GALNT17: variants seen among roughly 807,000 people sequenced by gnomAD.
GALNT17 encodes the protein UDP-GalNAc:polypeptide N-acetylgalactosaminyltransferase-like 3.
Under a neutral mutation model 63.7 loss-of-function variants are expected in GALNT17, and 29 were observed. The observed-to-expected ratio is 0.46, with a 90% confidence interval of 0.34 to 0.62. GALNT17 has a LOEUF of 0.62. Ranked by LOEUF, GALNT17 falls within the 20% of genes least tolerant of loss-of-function variation. GALNT17 has a pLI of 0.01. For missense variants in GALNT17, 603 were observed against 799.6 expected (o/e 0.75, Z 2.97); for synonymous variants, 305 against 318.3 (o/e 0.96, Z 0.45).
At chr7:71,301,522 G>A (rs1791198237) in intron 1 of GALNT17, among the ~76,000 whole-genome samples, 1 of 151,094 alleles carries the variant, frequency 6.6e-6, no homozygotes, top group Non-Finnish European at 1.5e-5. Flanking sequence ...TTTTGCCATT[G>A]TGTTGCTGTT....
Position 71,415,954 on chromosome 7 carries a change from A to G in GALNT17, c.655A>G (p.Arg219Gly). The change falls in exon 4 of 11, where the codon AGA becomes GGA. Residue 219 changes from arginine to glycine, a missense_variant. Transcript: ENST00000333538. ...CTACCCCGGGCTGGTGAAGGTGGTA[A>G]GAAATCAGAAGAGGGAAGGCCTGAT... ...KRYPGLVKVVRNQKREGLIRA... is the reference protein window; with the variant it reads ...KRYPGLVKVVGNQKREGLIRA... 1 of 1,613,810 alleles carries G rather than the reference A, an allele frequency of 6.2e-7. No individual in the cohort carries two copies. The highest frequency in any genetic ancestry group is 1.3e-5 in the African/African-American group (1 of 75,038).
At chr7:71,669,246 T>C (rs149363958) in intron 7 of GALNT17, among the ~76,000 whole-genome samples, 278 of 152,252 alleles carry the variant, frequency 1.8e-3, no homozygotes, top group Non-Finnish European at 3.4e-3. Flanking sequence ...CCGGGTGCAG[T>C]GGCTCACACC....
chr7:71,282,925 C>T (rs908489546), intron 1 of GALNT17, among the ~76,000 whole-genome samples: 5 of 151,848 alleles, frequency 3.3e-5, no homozygotes, highest in African/African-American at 9.7e-5. Flanking sequence ...AAGAAAGGAC[C>T]GAAGGCAGGA....
chr7:71,527,221 A>G (rs1678046210), intron 5 of GALNT17, among the ~76,000 whole-genome samples: 1 of 152,240 alleles, frequency 6.6e-6, no homozygotes, highest in African/African-American at 2.4e-5. Context: ...ATAAAAGAGA[A>G]AGGTCTACAG....
intron 1 of GALNT17, among the ~76,000 whole-genome samples, chr7:71,291,007 A>G (rs1050757885): frequency 1.3e-5 from 2 of 152,238 alleles, no homozygotes; most frequent in African/African-American, 4.8e-5. Context: ...CCTTCTTCAT[A>G]GGACTTATGT....
chr7:71,584,671 A>G (rs2903582), intron 6 of GALNT17, among the ~76,000 whole-genome samples: 93,814 of 152,146 alleles, frequency 0.62, 30,387 homozygotes, highest in Middle Eastern at 0.78. Flanking sequence ...GCTTACTCAA[A>G]TAAGAATCCC....
chr7:71,610,448 C>T (rs1000540137), intron 6 of GALNT17, among the ~76,000 whole-genome samples: 2 of 152,006 alleles, frequency 1.3e-5, no homozygotes, highest in Non-Finnish European at 2.9e-5. Flanking sequence ...CTACTGCACT[C>T]CAGCCTGGGT....
In GALNT17 at chr7:71,301,220, G is replaced by A. The variant is rs535205614; in HGVS notation, c.239-34330G>A. Among the ~76,000 whole-genome samples, 12 of 151,882 alleles carry A rather than the reference G, an allele frequency of 7.9e-5. No individual in the cohort carries two copies. In the East Asian group the frequency reaches 1.9e-3, roughly 25 times the overall value. On this transcript the variant is annotated intron_variant, in intron 1 of 10. Transcript: ENST00000333538. The stretch of plus-strand genomic sequence containing the variant: ...GAGGATCCCTTCAGCCGAGGAGTTC[G>A]AGGCTGCAGTGAGCTAAGATCGCTC...
chr7:71,407,999 A>G (rs1018405892), intron 3 of GALNT17, among the ~76,000 whole-genome samples: 3 of 152,164 alleles, frequency 2.0e-5, no homozygotes, highest in Non-Finnish European at 4.4e-5. Context: ...TAGTTGCACA[A>G]CATTGCGAAT....
intron 5 of GALNT17, among the ~76,000 whole-genome samples, chr7:71,442,632 G>A (rs963182812): frequency 6.6e-6 from 1 of 152,188 alleles, no homozygotes; most frequent in Non-Finnish European, 1.5e-5. Flanking sequence ...TACCAGGCAC[G>A]CAGAGAGTCA....
intron 1 of GALNT17, among the ~76,000 whole-genome samples, chr7:71,318,657 T>G (rs1791546426): frequency 6.6e-6 from 1 of 152,042 alleles, no homozygotes; most frequent in Non-Finnish European, 1.5e-5. Flanking sequence ...CTCAATCTCT[T>G]GACCTTGTGA....
intron 1 of GALNT17, among the ~76,000 whole-genome samples, chr7:71,314,596 GT>G (rs1409549386): frequency 6.6e-6 from 1 of 152,000 alleles, no homozygotes; most frequent in African/African-American, 2.4e-5. Flanking sequence ...TTTTTGTTTT[GT>G]TTTTTTCTTT....
rs553278105 is a variant in GALNT17, at chr7:71,477,339, G to T, written c.962+56234G>T. ...GTTCAAGGCAGTGAGCCATGATTGT[G>T]CCACGGAGGTTGGTGTTTTCACCGT... On this transcript the variant is annotated intron_variant, in intron 5 of 10. Coordinates refer to ENST00000333538, the MANE Select transcript of GALNT17 (RefSeq NM_022479.3). Among the ~76,000 whole-genome samples, 5 of 152,244 alleles carry T rather than the reference G, an allele frequency of 3.3e-5. No individual in the cohort carries two copies. In the East Asian group the frequency reaches 9.7e-4, roughly 30 times the overall value.
intron 5 of GALNT17, among the ~76,000 whole-genome samples, chr7:71,560,625 G>T (rs1007632348): frequency 6.6e-6 from 1 of 152,220 alleles, no homozygotes; most frequent in Non-Finnish European, 1.5e-5. Context: ...CACCCAGGTT[G>T]CATGTGATGG....
intron 2 of GALNT17, among the ~76,000 whole-genome samples, chr7:71,358,764 CTTTTCT>C (rs949836737): frequency 3.3e-5 from 5 of 151,716 alleles, no homozygotes; most frequent in African/African-American, 9.7e-5. Flanking sequence ...TTTTTCTTTT[CTTTTCT>C]TTTTCTTTTT....
Position 71,503,759 on chromosome 7 carries a change from C to T in GALNT17, c.963-67526C>T, listed in dbSNP as rs1172593963. ...AGATGATGTTCCTGCCTTCCTGGAG[C>T]TTTTATTCTAGGTACTTAGAACAGA... On this transcript the variant is annotated intron_variant, in intron 5 of 10. Coordinates refer to ENST00000333538, the MANE Select transcript of GALNT17 (RefSeq NM_022479.3). Among the ~76,000 whole-genome samples the T allele has an allele frequency of 2.0e-5, 3 of 152,094 alleles. No homozygotes were observed. In the East Asian group the frequency reaches 5.8e-4, roughly 29 times the overall value.
intron 5 of GALNT17, among the ~76,000 whole-genome samples, chr7:71,456,879 G>A (rs1259245778): frequency 6.6e-6 from 1 of 152,136 alleles, no homozygotes; most frequent in African/African-American, 2.4e-5. Context: ...AGATGGAGAC[G>A]TGAGACATCT....
At chr7:71,489,690 A>G (rs1210332271) in intron 5 of GALNT17, among the ~76,000 whole-genome samples, 2 of 152,192 alleles carry the variant, frequency 1.3e-5, no homozygotes, top group African/African-American at 4.8e-5. Flanking sequence ...CAGGGGAGAG[A>G]GTCCATTGGC....
Position 71,564,278 on chromosome 7 carries a change from CTTTTTTT to C in GALNT17, c.963-6989_963-6983del, listed in dbSNP as rs10539122. ...TCTTTCTTTTTTTTTCTTTTCTTTT[CTTTTTTT>C]TTTTTTTTTTTTTTTTTGAGATGGA... On this transcript the variant is annotated intron_variant, in intron 5 of 10. Transcript: ENST00000333538. 2.2e-4 allele frequency among the ~76,000 whole-genome samples: 22 copies of C among 98,008 alleles called. No homozygotes were observed. In the East Asian group the frequency reaches 4.7e-3, roughly 21 times the overall value. 64.3% of individuals were successfully genotyped at this position (98,008 alleles called of 152,430 possible). A position where few individuals can be genotyped will look rare whatever the true frequency, so the allele number is the denominator to read the frequency against.
Sources: allele counts gnomAD v4.1 joint callset (sites outside exome capture counted in the v4.1 genomes callset), GRCh38; gene constraint gnomAD v4.1.1; transcripts MANE v1.5; gene names NCBI Gene and HGNC (gene_info 2026-07-23, HGNC 2026-07-21).